DLGAP2: variants seen among roughly 807,000 people sequenced by gnomAD.
DLGAP2 encodes the protein disks large-associated protein 2.
A neutral mutation model predicts 100.3 loss-of-function variants in DLGAP2; 26 were observed. The observed-to-expected ratio is 0.26, with a 90% CI of 0.19 to 0.36. The LOEUF is 0.36. Among genes scored for constraint, DLGAP2 ranks in the 10% least tolerant of loss-of-function variants. DLGAP2 has a pLI of 1.00. For synonymous variants in DLGAP2, 886 were observed against 630.1 expected, an observed-to-expected ratio of 1.41 and a Z score of -6.08; for missense variants, 1,858 against 1,453.2, an observed-to-expected ratio of 1.28 and a Z score of -4.53.
At chr8:1,176,790 G>A (rs28453719) in intron 2 of DLGAP2, among the ~76,000 whole-genome samples, 14 of 152,182 alleles carry the variant, frequency 9.2e-5, no homozygotes, top group Middle Eastern at 3.4e-3. Context: ...AAGAGGTCTC[G>A]GTTGGAGGCA....
chr8:1,524,947 T>A (rs1800741655), intron 4 of DLGAP2, among the ~76,000 whole-genome samples: 1 of 152,156 alleles, frequency 6.6e-6, no homozygotes, highest in Non-Finnish European at 1.5e-5. Context: ...GGTATTTTTC[T>A]TCTTGACTTC....
At chr8:955,804 T>C (rs1029189027) in intron 2 of DLGAP2, among the ~76,000 whole-genome samples, 1 of 152,214 alleles carries the variant, frequency 6.6e-6, no homozygotes, top group African/African-American at 2.4e-5. Flanking sequence ...TCTTACCTTG[T>C]TGAACAAATG....
chr8:827,929 G>T (rs1312379202), intron 1 of DLGAP2, among the ~76,000 whole-genome samples: 1 of 152,128 alleles, frequency 6.6e-6, no homozygotes, highest in Non-Finnish European at 1.5e-5. Context: ...TGGGTGTCCG[G>T]GGGAGACATC....
intron 4 of DLGAP2, among the ~76,000 whole-genome samples, chr8:1,512,799 T>G (rs1276362278): frequency 6.6e-6 from 1 of 152,364 alleles, no homozygotes; most frequent in Admixed American, 6.5e-5. Flanking sequence ...GGGTGACTAC[T>G]GCCAACATTT....
At chr8:813,580 A>T (rs1464880670) in intron 1 of DLGAP2, among the ~76,000 whole-genome samples, 2 of 152,122 alleles carry the variant, frequency 1.3e-5, no homozygotes, top group African/African-American at 2.4e-5. Flanking sequence ...CAGGAAGGTA[A>T]ACTGATATGG....
At chr8:1,125,702 G>T (rs973158222) in intron 2 of DLGAP2, among the ~76,000 whole-genome samples, 1 of 151,904 alleles carries the variant, frequency 6.6e-6, no homozygotes, top group Non-Finnish European at 1.5e-5. Flanking sequence ...TGATTTATTT[G>T]TGCATTTCAG....
chr8:1,603,450 G>C (rs1796693579), intron 6 of DLGAP2, among the ~76,000 whole-genome samples: 1 of 151,852 alleles, frequency 6.6e-6, no homozygotes, highest in Non-Finnish European at 1.5e-5. Flanking sequence ...GGTTAGAGTG[G>C]AGGCTGGGTC....
intron 2 of DLGAP2, among the ~76,000 whole-genome samples, chr8:987,082 A>T (rs1174658801): frequency 6.6e-6 from 1 of 152,106 alleles, no homozygotes; most frequent in African/African-American, 2.4e-5. Flanking sequence ...TGCTTCACCA[A>T]ACTCCCGTCT....
chr8:1,485,084 G>C (rs1339560339), intron 3 of DLGAP2, among the ~76,000 whole-genome samples: 1 of 152,160 alleles, frequency 6.6e-6, no homozygotes, highest in African/African-American at 2.4e-5. Flanking sequence ...AGAATGATGT[G>C]GACACTTACA....
chr8:1,445,462 G>C (rs1584911949), intron 3 of DLGAP2, among the ~76,000 whole-genome samples: 1 of 151,876 alleles, frequency 6.6e-6, no homozygotes, highest in East Asian at 1.9e-4. Context: ...GTGTATATGT[G>C]CCACATTTTC....
intron 2 of DLGAP2, among the ~76,000 whole-genome samples, chr8:1,181,982 C>T (rs972792456): frequency 6.6e-6 from 1 of 152,226 alleles, no homozygotes; most frequent in South Asian, 2.1e-4. Context: ...ATAGTTGAGG[C>T]AGAAGGTGAA....
intron 2 of DLGAP2, among the ~76,000 whole-genome samples, chr8:1,027,521 A>T (rs1268737781): frequency 6.8e-6 from 1 of 147,336 alleles, no homozygotes; most frequent in Non-Finnish European, 1.5e-5. Flanking sequence ...GTTACTCCCC[A>T]GGTAGGGTGC....
intron 1 of DLGAP2, among the ~76,000 whole-genome samples, chr8:880,974 C>T (rs1176703857): frequency 6.6e-6 from 1 of 152,222 alleles, no homozygotes; most frequent in Non-Finnish European, 1.5e-5. Flanking sequence ...TTTCTATCTC[C>T]AGGACTTGCA....
chr8:1,691,696 T>C (rs957354443), intron 13 of DLGAP2, 70 bp downstream of exon 13: 84 of 1,313,572 alleles, frequency 6.4e-5, no homozygotes, highest in Non-Finnish European at 1.4e-5. Context: ...CAGATTCTCA[T>C]TGTTTTCTTC....
intron 5 of DLGAP2, among the ~76,000 whole-genome samples, chr8:1,562,482 C>T (rs183284547): frequency 0.017 from 775 of 45,204 alleles, 171 homozygotes; most frequent in African/African-American, 0.084. Context: ...GGGGTGTCGG[C>T]GCCTCGTTAC....
chr8:807,602 C>CATT, intron 1 of DLGAP2, among the ~76,000 whole-genome samples: 9 of 119,838 alleles, frequency 7.5e-5, no homozygotes, highest in African/African-American at 1.5e-4. Flanking sequence ...TCTTTTTCTT[C>CATT]TCATTCATAT....
chr8:962,927 C>T (rs1311276630), intron 2 of DLGAP2, among the ~76,000 whole-genome samples: 1 of 152,204 alleles, frequency 6.6e-6, no homozygotes, highest in Non-Finnish European at 1.5e-5. Context: ...GAGGTACCGA[C>T]TGCAGCAGCC....
intron 3 of DLGAP2, among the ~76,000 whole-genome samples, chr8:1,322,239 G>T (rs1051470224): frequency 2.0e-5 from 3 of 152,120 alleles, no homozygotes; most frequent in Non-Finnish European, 2.9e-5. Context: ...ATAGAAATTC[G>T]AGTATTTCAT....
At chr8:1,630,296 C>G (rs1797609885) in intron 7 of DLGAP2, among the ~76,000 whole-genome samples, 2 of 152,284 alleles carry the variant, frequency 1.3e-5, no homozygotes, top group African/African-American at 2.4e-5. Context: ...CGAGACCTGA[C>G]AATTCTGGAA....
Sources: gnomAD v4.1 joint callset for allele counts (sites outside exome capture counted in the v4.1 genomes callset) on GRCh38, gnomAD v4.1.1 for gene constraint, MANE v1.5 for transcripts, NCBI Gene and HGNC (gene_info 2026-07-23, HGNC 2026-07-21) for gene names.